The following ABLIM1 variants were observed in gnomAD, a reference collection of about 807,000 sequenced individuals.
The protein encoded by ABLIM1 is actin binding LIM protein 1, also known as actin-binding LIM protein 1.
ABLIM1 carries 40 observed loss-of-function variants against 107.0 expected under a neutral mutation model. That is an observed-to-expected ratio of 0.37 (90% CI 0.29 to 0.49). ABLIM1 has a LOEUF of 0.49. ABLIM1 is among the 20% of genes least tolerant of loss of function. ABLIM1 has a pLI of 0.97. For synonymous variants in ABLIM1, 357 were observed against 357.3 expected (o/e 1.00, Z 0.01); for missense variants, 857 against 1,008.5 (o/e 0.85, Z 2.04).
intron 1 of ABLIM1, among the ~76,000 whole-genome samples, chr10:114,612,619 A>T (rs567229362): frequency 6.6e-6 from 1 of 152,310 alleles, no homozygotes; most frequent in African/African-American, 2.4e-5. Flanking sequence ...TGAACCTTTT[A>T]AGGTCACCCA....
intron 7 of ABLIM1, 118 bp downstream of exon 7, chr10:114,491,673 A>G (rs1424907970): frequency 1.0e-6 from 1 of 954,022 alleles, no homozygotes; most frequent in Non-Finnish European, 1.6e-6. Context: ...ATCTTCTTGG[A>G]TTTGGGTAGC....
intron 1 of ABLIM1, among the ~76,000 whole-genome samples, chr10:114,693,363 A>G (rs1453809822): frequency 4.2e-5 from 5 of 118,614 alleles, no homozygotes; most frequent in Non-Finnish European, 6.1e-5. Context: ...AAGGAGGAAA[A>G]TGAAGGCCTG....
chr10:114,780,548 T>C, the ABLIM1 span, among the ~76,000 whole-genome samples: 1 of 152,118 alleles, frequency 6.6e-6, no homozygotes, highest in Non-Finnish European at 1.5e-5. Flanking sequence ...GTTTGGGGAT[T>C]TGGCTCTCTC....
the ABLIM1 span, among the ~76,000 whole-genome samples, chr10:114,790,914 A>C: frequency 2.0e-4 from 31 of 152,256 alleles, no homozygotes; most frequent in Admixed American, 7.8e-4. Flanking sequence ...TTGTAATTAA[A>C]ATTACATGTA....
intron 21 of ABLIM1, 40 bp downstream of exon 21, chr10:114,439,136 G>A (rs201622805): frequency 2.8e-4 from 450 of 1,604,806 alleles, no homozygotes; most frequent in Admixed American, 4.7e-4. Flanking sequence ...TTAGGGTTAC[G>A]CCATTCCCAT....
rs191212818 is a variant in ABLIM1 at position 114,619,250 on chromosome 10, G to A, written c.245-17289C>T. Among the ~76,000 whole-genome samples the A allele has an allele frequency of 1.1e-4, 17 of 148,614 alleles. No homozygotes were observed. The East Asian group carries it at 2.0e-3, about 17-fold the overall frequency. ...CTTGCTCTGTCACCCAGGCTGGAGCGCAGTGGCACGATCTTAGCTCACTGC... is the reference window on the plus strand; with the variant it reads ...CTTGCTCTGTCACCCAGGCTGGAGCACAGTGGCACGATCTTAGCTCACTGC... On this transcript the variant is annotated intron_variant, in intron 1 of 22. Coordinates refer to ENST00000533213, the MANE Select transcript of ABLIM1 (RefSeq NM_002313.7). This position sits in a 1 kb window ranked among gnomAD's most constrained non-coding sequence, Gnocchi z 4.1.
At chr10:114,486,238 C>T (rs1290106326) in intron 8 of ABLIM1, among the ~76,000 whole-genome samples, 2 of 152,160 alleles carry the variant, frequency 1.3e-5, no homozygotes, top group Non-Finnish European at 2.9e-5. Context: ...TTTGCAAACT[C>T]AAGCAATCCT....
chr10:114,748,657 TTC>T (rs2082438460), intron 1 of ABLIM1, among the ~76,000 whole-genome samples: 1 of 151,258 alleles, frequency 6.6e-6, no homozygotes, highest in Non-Finnish European at 1.5e-5. Flanking sequence ...GTTTTTTTTT[TTC>T]TTTTTTTTTT....
upstream of ABLIM1, among the ~76,000 whole-genome samples, chr10:114,685,640 G>A (rs182593253): frequency 1.8e-3 from 280 of 152,260 alleles, no homozygotes; most frequent in Non-Finnish European, 3.4e-3. Flanking sequence ...AGCACCAGGC[G>A]CCAGACAAAG....
At chr10:114,591,824 T>C (rs1209410538) in intron 2 of ABLIM1, among the ~76,000 whole-genome samples, 1 of 152,014 alleles carries the variant, frequency 6.6e-6, no homozygotes, top group Non-Finnish European at 1.5e-5. Context: ...TACTTCCTGG[T>C]TGAACATCCT....
At chr10:114,649,122 G>C (rs2079129066) in intron 1 of ABLIM1, among the ~76,000 whole-genome samples, 1 of 152,074 alleles carries the variant, frequency 6.6e-6, no homozygotes, top group Non-Finnish European at 1.5e-5. Flanking sequence ...TGTTGGCTGG[G>C]CACGGTGGCT....
chr10:114,504,262 T>G (rs1454692782), intron 6 of ABLIM1, among the ~76,000 whole-genome samples: 1 of 152,184 alleles, frequency 6.6e-6, no homozygotes, highest in Non-Finnish European at 1.5e-5. Context: ...TCACATTTAA[T>G]CCATCCAACA....
At chr10:114,463,942 A>G (rs1464709767) in intron 12 of ABLIM1, among the ~76,000 whole-genome samples, 1 of 152,168 alleles carries the variant, frequency 6.6e-6, no homozygotes, top group African/African-American at 2.4e-5. Flanking sequence ...ATATATTGTG[A>G]AAGGAGAGAA....
rs7912671 is a variant in ABLIM1, at chr10:114,762,559, A to G, written c.-213+5502T>C. On this transcript the variant is annotated intron_variant, in intron 1 of 15. Transcript: ENST00000651092. ...CTTTATTGGATTTTTCTCTCAATCT[A>G]TTAAAGCTGTTCTTACTTACTACCA... Among the ~76,000 whole-genome samples, 866 of 152,318 alleles carry G rather than the reference A, an allele frequency of 5.7e-3. 11 individuals carry two copies. Among genetic ancestry groups the G allele is most frequent in the African/African-American group, 0.019 (804 of 41,556 alleles).
intron 6 of ABLIM1, among the ~76,000 whole-genome samples, chr10:114,530,832 C>G (rs1393657337): frequency 1.3e-5 from 2 of 152,148 alleles, no homozygotes; most frequent in Non-Finnish European, 2.9e-5. Context: ...CCACACCCAG[C>G]CAGAAATAGG....
chr10:114,589,358 G>C (rs183891802), intron 2 of ABLIM1, among the ~76,000 whole-genome samples: 1 of 150,954 alleles, frequency 6.6e-6, no homozygotes, highest in African/African-American at 2.4e-5. Context: ...GGTGAAACCC[G>C]TCTCTCCTAA....
At chr10:114,506,437 T>C (rs1439030156) in intron 6 of ABLIM1, among the ~76,000 whole-genome samples, 2 of 152,246 alleles carry the variant, frequency 1.3e-5, no homozygotes, top group African/African-American at 4.8e-5. Context: ...GGAATCTACA[T>C]GCTGCTTTCT....
intron 1 of ABLIM1, among the ~76,000 whole-genome samples, chr10:114,652,247 C>A (rs1254663349): frequency 6.6e-6 from 1 of 152,172 alleles, no homozygotes; most frequent in African/African-American, 2.4e-5. Flanking sequence ...CCATTTGTGG[C>A]CTATGGCCTA....
intron 11 of ABLIM1, 118 bp from the exon 12 acceptor site, chr10:114,465,945 G>GCCAATCATTCACCTCGCCAATCT: frequency 8.5e-7 from 1 of 1,172,046 alleles, no homozygotes; most frequent in Non-Finnish European, 1.2e-6. Flanking sequence ...ATTAATATAT[G>GCCAATCATTCACCTCGCCAATCT]CACTTATTTT....
Sources: allele counts gnomAD v4.1 joint callset (sites outside exome capture counted in the v4.1 genomes callset), GRCh38; gene constraint gnomAD v4.1.1; non-coding constraint Gnocchi (gnomAD v3.1); transcripts MANE v1.5; gene names NCBI Gene and HGNC (gene_info 2026-07-23, HGNC 2026-07-21).